Variants in ATG12 observed in about 807,000 individuals in gnomAD.
The protein encoded by ATG12 is autophagy related 12.
Under a neutral mutation model 17.6 loss-of-function variants are expected in ATG12, and 19 were observed. The observed-to-expected ratio is 1.08, with a 90% CI of 0.75 to 1.58. The LOEUF (loss-of-function observed/expected upper bound fraction) is 1.58, where lower values mean the gene tolerates loss of function less well. ATG12 is among the 40% of genes most tolerant of loss of function. The pLI is 0.00. For synonymous variants in ATG12, 75 were observed against 62.4 expected, an observed-to-expected ratio of 1.20 and a Z score of -0.95; for missense variants, 214 against 162.0, an observed-to-expected ratio of 1.32 and a Z score of -1.74.
chr5:115,839,916 C>T (rs745690305), intron 1 of ATG12, among the ~76,000 whole-genome samples: 1 of 152,148 alleles, frequency 6.6e-6, no homozygotes, highest in African/African-American at 2.4e-5. Flanking sequence ...AATGACAGTT[C>T]AATTTGCAAA....
intron 2 of ATG12, among the ~76,000 whole-genome samples, chr5:115,834,543 C>T (rs1314973928): frequency 2.0e-5 from 3 of 151,982 alleles, no homozygotes; most frequent in Admixed American, 2.0e-4. Flanking sequence ...TTTAAATCAG[C>T]TTTTTTTTCT....
chr5:115,841,399 T>C lies in ATG12; in HGVS notation c.154A>G (p.Lys52Glu). 2 of 1,611,310 alleles carry C rather than the reference T, an allele frequency of 1.2e-6. No individual in the cohort carries two copies. Among genetic ancestry groups the C allele is most frequent in the Non-Finnish European group, 1.7e-6 (2 of 1,179,508 alleles). The change falls in exon 1 of 4, where the codon AAG becomes GAG. Residue 52 changes from lysine to glutamate, a missense_variant. Coordinates refer to ENST00000509910, the MANE Select transcript of ATG12 (RefSeq NM_004707.4). ...AAATAAATTCAGTTACTTTTTTTCT[T>C]GGTGTCGCCAGCAGGTTCCTCTGTT... The part of the protein sequence containing the change: ...PGTEEPAGDT[K>E]KKIDILLKAV...
At chr5:115,832,873 G>T (rs1458900330) in intron 2 of ATG12, 4 of 433,686 alleles carry the variant, frequency 9.2e-6, no homozygotes, top group Non-Finnish European at 1.6e-5. Context: ...CACAATTCCA[G>T]TTCCTAGAAC....
At chr5:115,831,990 ATC>A in intron 3 of ATG12, 127 bp from the exon 4 acceptor site, 1 of 826,744 alleles carries the variant, frequency 1.2e-6, no homozygotes, top group African/African-American at 1.7e-5. Flanking sequence ...GTTACAGGCT[ATC>A]TCTTTCAAAG....
chr5:115,840,208 C>G (rs183046863), intron 1 of ATG12, among the ~76,000 whole-genome samples: 1 of 151,940 alleles, frequency 6.6e-6, no homozygotes, highest in African/African-American at 2.4e-5. Flanking sequence ...AAATGGGAGT[C>G]TGATTTAAAG....
At chr5:115,840,916 G>A (rs1286170276) in intron 1 of ATG12, 1 of 1,286,744 alleles carries the variant, frequency 7.8e-7, no homozygotes, top group East Asian at 5.6e-5. Flanking sequence ...TTTGGTTTAA[G>A]GAGTGAATTC....
chr5:115,836,182 T>C (rs73265501), intron 2 of ATG12, among the ~76,000 whole-genome samples: 13,527 of 152,214 alleles, frequency 0.089, 2,032 homozygotes, highest in African/African-American at 0.31. Flanking sequence ...CCTTATGAAA[T>C]TGTTTTCATA....
rs1761472011 is a variant in ATG12 at position 115,841,402 on chromosome 5, T to C, written c.151A>G (p.Thr51Ala). The C allele has an allele frequency of 6.2e-7, 1 of 1,611,818 alleles. No homozygotes were observed. Among genetic ancestry groups the C allele is most frequent in the Non-Finnish European group, 8.5e-7 (1 of 1,179,598 alleles). The change falls in exon 1 of 4, where the codon ACC becomes GCC. Residue 51 changes from threonine (T) to alanine (A), a missense_variant. Transcript: ENST00000509910. ...TAAATTCAGTTACTTTTTTTCTTGG[T>C]GTCGCCAGCAGGTTCCTCTGTTCCC... ...SPGTEEPAGD[T>A]KKKIDILLKA...
chr5:115,841,435 C>G lies in ATG12; in HGVS notation c.118G>C (p.Val40Leu). 1.2e-6 allele frequency: 2 copies of G among 1,610,108 alleles called. No homozygotes were observed. Among genetic ancestry groups the G allele is most frequent in the Non-Finnish European group, 1.7e-6 (2 of 1,179,084 alleles). Residue 40 changes from valine (V) to leucine (L), a missense_variant, in exon 1 of 4, where the codon GTT (valine) becomes CTT (leucine). By Grantham distance (32) the Val-to-Leu change is conservative. Transcript: ENST00000509910. ...GCAGGTTCCTCTGTTCCCGGGGAAA[C>G]TGCAGCGGAAGACGGGGGCTCCGGG... is the stretch of plus-strand genomic sequence containing the variant. ...TTPEPPSSAA[V>L]SPGTEEPAGD...
At chr5:115,832,826 C>CG in intron 2 of ATG12, 162 bp from the exon 3 acceptor site, 1 of 591,992 alleles carries the variant, frequency 1.7e-6, no homozygotes, top group South Asian at 5.1e-5. Flanking sequence ...GAGATCATTA[C>CG]GAAGATCTCA....
Position 115,831,345 on chromosome 5 carries a change from T to C in ATG12, c.*459A>G, listed in dbSNP as rs1760861877. On this transcript the variant is annotated 3_prime_UTR_variant, in exon 4 of 4. Coordinates refer to ENST00000509910, the MANE Select transcript of ATG12 (RefSeq NM_004707.4). ...ACCTTTTCTGCCTGGTGGACTGCCC[T>C]CTACTGGACTATTTGAGGTATTCAG... 1 of 159,606 alleles carries C rather than the reference T, an allele frequency of 6.3e-6. No homozygotes were observed. The highest frequency in any genetic ancestry group is 1.4e-5 in the Non-Finnish European group (1 of 73,360). The allele number at this position is 159,606 out of a possible 1,614,324, so 9.9% of individuals were successfully genotyped here. A position where few individuals can be genotyped will look rare whatever the true frequency, so the allele number is the denominator to read the frequency against.
chr5:115,832,541 C>T lies in ATG12; in HGVS notation c.363+61G>A, dbSNP rs114037295. The T allele has an allele frequency of 5.7e-4, 795 of 1,401,488 alleles. 3 individuals carry two copies. In the African/African-American group the frequency reaches 0.011, roughly 19 times the overall value. The allele number at this position is 1,401,488 out of a possible 1,614,324, so 86.8% of individuals were successfully genotyped here. A position where few individuals can be genotyped will look rare whatever the true frequency, so the allele number is the denominator to read the frequency against. ...TACATATTATACAGATGTGCATACT[C>T]GATTAAGAAAAAAAAGCAGTAATTT... On this transcript the variant is annotated intron_variant, in intron 3 of 3. Coordinates refer to ENST00000509910, the MANE Select transcript of ATG12 (RefSeq NM_004707.4).
At position 115,830,746 on chromosome 5, in the gene ATG12, GCT is replaced by G. The variant is rs1446016419; in HGVS notation, c.*1056_*1057del. The G allele has an allele frequency of 6.6e-6, 1 of 151,914 alleles. No individual in the cohort carries two copies. Among genetic ancestry groups the G allele is most frequent in the East Asian group, 1.9e-4 (1 of 5,194 alleles). 9.4% of individuals were successfully genotyped at this position (151,914 alleles called of 1,614,324 possible). On this transcript the variant is annotated 3_prime_UTR_variant, in exon 4 of 4. Coordinates refer to ENST00000509910, the MANE Select transcript of ATG12 (RefSeq NM_004707.4). Reference sequence around the variant, plus strand: ...TAACCAGGCTGGTCTCAAACTTGTGGCTTCACGCAATCCCCACACCTCAGCCT... The same window carrying G: ...TAACCAGGCTGGTCTCAAACTTGTGGTCACGCAATCCCCACACCTCAGCCT...
chr5:115,832,574 T>G lies in ATG12; in HGVS notation c.363+28A>C. ...AAAAAAAAGCAGTAATTTCTTTCTT[T>G]TTTTTTTTTTTTTTTTTTTTTTTTT... On this transcript the variant is annotated intron_variant, in intron 3 of 3. Transcript: ENST00000509910. 3.8e-5 allele frequency: 13 copies of G among 342,356 alleles called. 1 individual carries two copies. The highest frequency in any genetic ancestry group is 4.6e-5 in the Non-Finnish European group (12 of 259,560). 21.2% of individuals were successfully genotyped at this position (342,356 alleles called of 1,614,324 possible).
chr5:115,828,437 T>A lies in ATG12; in HGVS notation c.*3367A>T, dbSNP rs1160493582. 6.6e-6 allele frequency: 1 copy of A among 152,240 alleles called. No homozygotes were observed. Among genetic ancestry groups the A allele is most frequent in the South Asian group, 2.1e-4 (1 of 4,836 alleles). The allele number at this position is 152,240 out of a possible 1,614,324, so 9.4% of individuals were successfully genotyped here. A position where few individuals can be genotyped will look rare whatever the true frequency, so the allele number is the denominator to read the frequency against. On this transcript the variant is annotated 3_prime_UTR_variant, in exon 4 of 4. Coordinates refer to ENST00000509910, the MANE Select transcript of ATG12 (RefSeq NM_004707.4). ...AGATGTACATTATTTTTATTGTCAG[T>A]CAGCATTGTTTTTATTTGTATTTTT... is the stretch of plus-strand genomic sequence containing the variant.
intron 2 of ATG12, 36 bp downstream of exon 2, chr5:115,837,592 A>G (rs374274240): frequency 1.2e-6 from 2 of 1,607,546 alleles, no homozygotes; most frequent in Non-Finnish European, 1.7e-6. Context: ...AACTACTGCA[A>G]ATTTTTGTAG....
At chr5:115,834,174 G>A (rs953021391) in intron 2 of ATG12, 2 of 152,192 alleles carry the variant, frequency 1.3e-5, no homozygotes, top group African/African-American at 4.8e-5. Context: ...AGGCAAAGGA[G>A]ACAAAGAGTA....
chr5:115,836,069 T>A (rs1761086084), intron 2 of ATG12, among the ~76,000 whole-genome samples: 3 of 152,182 alleles, frequency 2.0e-5, no homozygotes, highest in Admixed American at 6.5e-5. Flanking sequence ...TCAGGAGGTA[T>A]CAGTTTTAGT....
At position 115,828,595 on chromosome 5, in the gene ATG12, T is replaced by G. The variant is rs947316829; in HGVS notation, c.*3209A>C. ...CAATTGAAACAAATTCTTCATATAC[T>G]TAAGACATTAAAAACACTGTCATAT... is the stretch of plus-strand genomic sequence containing the variant. On this transcript the variant is annotated 3_prime_UTR_variant, in exon 4 of 4. Transcript: ENST00000509910. 6.6e-6 allele frequency: 1 copy of G among 152,210 alleles called. No individual in the cohort carries two copies. Among genetic ancestry groups the G allele is most frequent in the Non-Finnish European group, 1.5e-5 (1 of 68,014 alleles). The allele number at this position is 152,210 out of a possible 1,614,324, so 9.4% of individuals were successfully genotyped here.
Sources: gnomAD v4.1 joint callset for allele counts (sites outside exome capture counted in the v4.1 genomes callset) on GRCh38, gnomAD v4.1.1 for gene constraint, MANE v1.5 for transcripts, NCBI Gene and HGNC (gene_info 2026-07-23, HGNC 2026-07-21) for gene names.